The following NBAS variants were observed in gnomAD, a reference collection of about 807,000 sequenced individuals.
NBAS encodes NBAS subunit of NRZ tethering complex.
Under a neutral mutation model 302.5 loss-of-function variants are expected in NBAS, and 219 were observed. The observed-to-expected ratio is 0.72, with a 90% CI of 0.65 to 0.81. The LOEUF (loss-of-function observed/expected upper bound fraction) is 0.81. NBAS is among the 30% of genes least tolerant of loss of function. The pLI is 0.00. For missense variants in NBAS, 2,932 were observed against 2,841.6 expected, an observed-to-expected ratio of 1.03 and a Z score of -0.72; for synonymous variants, 1,118 against 1,021.6, an observed-to-expected ratio of 1.09 and a Z score of -1.80.
intron 44 of NBAS, among the ~76,000 whole-genome samples, chr2:15,260,373 C>T (rs1320970815): frequency 6.6e-6 from 1 of 152,188 alleles, no homozygotes. Flanking sequence ...TGACTCAATC[C>T]GTGGGTTTGG....
chr2:15,530,397 T>C (rs1463605241), intron 9 of NBAS, among the ~76,000 whole-genome samples: 1 of 151,600 alleles, frequency 6.6e-6, no homozygotes, highest in East Asian at 1.9e-4. Flanking sequence ...AATAACTAAT[T>C]TAAAAAGGAG....
rs554958497 is a variant in NBAS, at chr2:15,174,748, G to C, written c.6840+4240C>G. Among the ~76,000 whole-genome samples the C allele has an allele frequency of 2.0e-5, 3 of 152,292 alleles. No homozygotes were observed. In the South Asian group the frequency reaches 6.2e-4, roughly 32 times the overall value. ...GTATAGACTTTGAATGTTAGGTCTG[G>C]TGTTTACATTTCAGCTTTGGCTGCT... On this transcript the variant is annotated intron_variant, in intron 51 of 51. Transcript: ENST00000281513.
intron 47 of NBAS, among the ~76,000 whole-genome samples, chr2:15,230,066 C>T (rs939232063): frequency 6.6e-6 from 1 of 151,984 alleles, no homozygotes; most frequent in African/African-American, 2.4e-5. Context: ...GAGTTTGGGA[C>T]TGAGGGAGGC....
In NBAS at chr2:15,222,579, C is replaced by G. The variant is rs146068491; in HGVS notation, c.6237-3611G>C. 1.2e-4 allele frequency among the ~76,000 whole-genome samples: 18 copies of G among 152,252 alleles called. No homozygotes were observed. In the East Asian group the frequency reaches 3.3e-3, roughly 28 times the overall value. ...ATCACTTCATCATAACTATCTTTTT[C>G]TTGTATACTGTTATCATCTCCAATT... On this transcript the variant is annotated intron_variant, in intron 47 of 51. Coordinates refer to ENST00000281513, the MANE Select transcript of NBAS (RefSeq NM_015909.4).
chr2:15,354,759 C>T (rs1472500882), intron 33 of NBAS, among the ~76,000 whole-genome samples: 1 of 152,164 alleles, frequency 6.6e-6, no homozygotes. Flanking sequence ...TAACCTTGGC[C>T]CCCAGCCTTG....
chr2:14,796,958 C>G, the NBAS span, among the ~76,000 whole-genome samples: 5 of 144,292 alleles, frequency 3.5e-5, no homozygotes, highest in South Asian at 1.1e-3. Context: ...GGCATGGTGG[C>G]GGGCGCCTGC....
chr2:14,793,318 T>G, the NBAS span, among the ~76,000 whole-genome samples: 1 of 152,218 alleles, frequency 6.6e-6, no homozygotes, highest in East Asian at 1.9e-4. Flanking sequence ...TTCAACAATC[T>G]ATTATAAATT....
intron 12 of NBAS, among the ~76,000 whole-genome samples, chr2:15,484,522 T>A (rs2010881): frequency 0.58 from 88,292 of 151,916 alleles, 27,012 homozygotes; most frequent in Non-Finnish European, 0.68. Flanking sequence ...AGGTCTGATT[T>A]TTCACAAAAA....
At chr2:15,474,638 G>A (rs1014514690) in intron 14 of NBAS, among the ~76,000 whole-genome samples, 3 of 151,868 alleles carry the variant, frequency 2.0e-5, no homozygotes, top group African/African-American at 7.3e-5. Flanking sequence ...TCAGCTTACT[G>A]CAACCTCGGC....
chr2:14,904,003 T>C, the NBAS span, among the ~76,000 whole-genome samples: 1 of 152,186 alleles, frequency 6.6e-6, no homozygotes, highest in Admixed American at 6.5e-5. Context: ...CCCCATTAGG[T>C]TGGGCGAGGC....
At chr2:14,999,099 A>G in the NBAS span, among the ~76,000 whole-genome samples, 5 of 152,118 alleles carry the variant, frequency 3.3e-5, no homozygotes, top group African/African-American at 1.2e-4. Context: ...CATCTGTGGC[A>G]GACCAGAAAG....
At chr2:15,186,534 G>A (rs1352134838) in intron 50 of NBAS, among the ~76,000 whole-genome samples, 1 of 152,118 alleles carries the variant, frequency 6.6e-6, no homozygotes, top group Non-Finnish European at 1.5e-5. Context: ...AACTTGTACA[G>A]GAAACGCTGG....
chr2:14,888,122 CTTTATTTA>C, the NBAS span, among the ~76,000 whole-genome samples: 5,768 of 151,928 alleles, frequency 0.038, 138 homozygotes, highest in Non-Finnish European at 0.051. Flanking sequence ...CGTTTTATCC[CTTTATTTA>C]TTTATTTATT....
the NBAS span, among the ~76,000 whole-genome samples, chr2:14,957,278 C>CGTGTGTGTGTGTGTGTGT: frequency 3.4e-4 from 50 of 147,576 alleles, no homozygotes; most frequent in African/African-American, 1.2e-3. Flanking sequence ...TATACATATA[C>CGTGTGTGTGTGTGTGTGT]GTGTGTGTGT....
At chr2:14,889,238 G>A in the NBAS span, among the ~76,000 whole-genome samples, 5 of 152,266 alleles carry the variant, frequency 3.3e-5, no homozygotes, top group South Asian at 1.0e-3. Flanking sequence ...ATCCTGTTTT[G>A]TATCTGTGCA....
rs2148225222 is a variant in NBAS, at chr2:15,328,213, G to C, written c.4447C>G (p.Pro1483Ala). 6.2e-7 allele frequency: 1 copy of C among 1,613,528 alleles called. No homozygotes were observed. Among genetic ancestry groups the C allele is most frequent in the East Asian group, 2.2e-5 (1 of 44,870 alleles). The change falls in exon 37 of 52, where the codon CCT (proline) becomes GCT (alanine). Residue 1483 changes from proline to alanine, a missense_variant. Pro to Ala is a conservative substitution (Grantham distance 27, BLOSUM62 -1). Transcript: ENST00000281513. ...GCTGTCCTTACCTCAGCGACAAAAGGATTTGAGATGACAGATTCATAAAAA... is the reference window on the plus strand; with the variant it reads ...GCTGTCCTTACCTCAGCGACAAAAGCATTTGAGATGACAGATTCATAAAAA... ...HPFYESVISN[P>A]FVAESEGTYD...
At chr2:15,316,560 CAAG>C (rs1363548998) in intron 38 of NBAS, among the ~76,000 whole-genome samples, 1 of 152,256 alleles carries the variant, frequency 6.6e-6, no homozygotes, top group Non-Finnish European at 1.5e-5. Context: ...AACCGGCAGA[CAAG>C]GAGATTCTCT....
At chr2:14,940,118 G>T in the NBAS span, among the ~76,000 whole-genome samples, 197 of 152,144 alleles carry the variant, frequency 1.3e-3, no homozygotes, top group African/African-American at 4.6e-3. Flanking sequence ...AGCACCCCAG[G>T]AGCACACAGG....
chr2:15,135,631 C>T, the NBAS span, among the ~76,000 whole-genome samples: 2 of 152,034 alleles, frequency 1.3e-5, no homozygotes, highest in African/African-American at 4.8e-5. Context: ...ATCCGGGAAC[C>T]GTTGAAGCTT....
Sources: allele counts gnomAD v4.1 joint callset (sites outside exome capture counted in the v4.1 genomes callset), GRCh38; gene constraint gnomAD v4.1.1; transcripts MANE v1.5; gene names NCBI Gene and HGNC (gene_info 2026-07-23, HGNC 2026-07-21).